USH1G: variants seen among roughly 807,000 people sequenced by gnomAD.
USH1G encodes pre-mRNA splicing regulator USH1G.
A neutral mutation model predicts 31.9 loss-of-function variants in USH1G; 27 were observed. The ratio of observed to expected loss-of-function variants is 0.85; its 90% confidence interval spans 0.62 to 1.17. The LOEUF (loss-of-function observed/expected upper bound fraction) is 1.17, where lower values mean the gene tolerates loss of function less well. USH1G is among the 50% of genes most tolerant of loss of function. The pLI is 0.00. For missense variants in USH1G, 674 were observed against 638.9 expected, an observed-to-expected ratio of 1.05 and a Z score of -0.59; for synonymous variants, 266 against 283.2, an observed-to-expected ratio of 0.94 and a Z score of 0.61.
chr17:74,919,313 T>C lies in USH1G; in HGVS notation c.1382+141A>G. ...GGTGGTAAATAAAATAAGGGTGCCT[T>C]TTATCATCGATGGCCTCATTTCGAT... On this transcript the variant is annotated intron_variant, in intron 2 of 2. Transcript: ENST00000614341. The surrounding 1 kb of genome is among the most constrained non-coding windows in gnomAD (Gnocchi z 4.5). 7.5e-7 allele frequency: 1 copy of C among 1,331,992 alleles called. No homozygotes were observed. Among genetic ancestry groups the C allele is most frequent in the African/African-American group, 1.5e-5 (1 of 67,732 alleles). The allele number at this position is 1,331,992 out of a possible 1,614,324, so 82.5% of individuals were successfully genotyped here.
rs1009311345 is a variant in USH1G at position 74,921,502 on chromosome 17, TG to T, written c.165-832del. ...GACTCCTCCGGAGCTCTCCCTCCCT[TG>T]GGGGCCCAGCACAGCACCCCTGCCC... On this transcript the variant is annotated intron_variant, in intron 1 of 2. Transcript: ENST00000614341. The surrounding 1 kb of genome is among the most constrained non-coding windows in gnomAD (Gnocchi z 4.6). Among the ~76,000 whole-genome samples the T allele has an allele frequency of 6.6e-6, 1 of 150,814 alleles. No homozygotes were observed. Among genetic ancestry groups the T allele is most frequent in the Admixed American group, 6.6e-5 (1 of 15,224 alleles).
rs1019477572 is a variant in USH1G at position 74,921,897 on chromosome 17, G to T, written c.164+1013C>A. Among the ~76,000 whole-genome samples the T allele has an allele frequency of 1.3e-5, 2 of 152,158 alleles. No homozygotes were observed. The highest frequency in any genetic ancestry group is 1.3e-4 in the Admixed American group (2 of 15,282). On this transcript the variant is annotated intron_variant, in intron 1 of 2. Transcript: ENST00000614341. The surrounding 1 kb of genome is among the most constrained non-coding windows in gnomAD (Gnocchi z 4.6). ...CAAGGCTGCTCCCACCTGATGCTGG[G>T]CCCAAGGAGCAGCCCAAGGAGAGGG... is the stretch of plus-strand genomic sequence containing the variant.
Position 74,920,692 on chromosome 17 carries a change from A to AG in USH1G, c.165-22dup. Reference sequence around the variant, plus strand: ...CACCCCTGCAGGGAAAGCATTCAGGAGGGACGAGTGACGAGTCCTGGCTGG... The same window carrying AG: ...CACCCCTGCAGGGAAAGCATTCAGGAGGGGACGAGTGACGAGTCCTGGCTGG... On this transcript the variant is annotated intron_variant, in intron 1 of 2. Transcript: ENST00000614341. This position sits in a 1 kb window ranked among gnomAD's most constrained non-coding sequence, Gnocchi z 5.2. 1 of 1,590,180 alleles carries AG rather than the reference A, an allele frequency of 6.3e-7. No homozygotes were observed. Among genetic ancestry groups the AG allele is most frequent in the Non-Finnish European group, 8.6e-7 (1 of 1,164,956 alleles).
chr17:74,922,375 C>A (rs896974285), intron 1 of USH1G, among the ~76,000 whole-genome samples: 4 of 152,242 alleles, frequency 2.6e-5, no homozygotes, highest in Admixed American at 1.3e-4. Flanking sequence ...AATGGAGTGG[C>A]TGAATCAGTG....
intron 1 of USH1G, among the ~76,000 whole-genome samples, chr17:74,922,342 G>C (rs1298649085): frequency 3.3e-5 from 5 of 151,910 alleles, no homozygotes; most frequent in East Asian, 1.9e-4. Context: ...GCCCGGCTGT[G>C]GGGGAGGGAC....
Position 74,920,293 on chromosome 17 carries a change from G to A in USH1G, c.543C>T (p.Leu181=), listed in dbSNP as rs1239839463. The change falls in exon 2 of 3, where the codon CTC becomes CTT. Residue 181 remains leucine (L), a synonymous_variant. Coordinates refer to ENST00000614341, the MANE Select transcript of USH1G (RefSeq NM_173477.5). The surrounding 1 kb of genome is among the most constrained non-coding windows in gnomAD (Gnocchi z 5.2). ...GCCGGCGGCTCAGGGTGCTGGACGT[G>A]AGGCTGGAGAAGCTGAGGGTGTCGG... ...ERSDTLSFSS[L]TSSTLSRRLQ... is the part of the protein sequence containing the mutation. 1.2e-6 allele frequency: 2 copies of A among 1,605,432 alleles called. No individual in the cohort carries two copies. Among genetic ancestry groups the A allele is most frequent in the Non-Finnish European group, 8.5e-7 (1 of 1,178,724 alleles).
Position 74,917,101 on chromosome 17 carries a change from C to T in USH1G, c.*972G>A, listed in dbSNP as rs1199620359. 6.6e-6 allele frequency: 1 copy of T among 152,446 alleles called. No homozygotes were observed. The highest frequency in any genetic ancestry group is 1.5e-5 in the Non-Finnish European group (1 of 68,200). 9.4% of individuals were successfully genotyped at this position (152,446 alleles called of 1,614,324 possible). On this transcript the variant is annotated 3_prime_UTR_variant, in exon 3 of 3. Transcript: ENST00000614341. ...ACACAAACATGCACACGCACACAGC[C>T]CTGGTGACCTGGGGACAATCTGCAG...
chr17:74,919,836 C>G lies in USH1G; in HGVS notation c.1000G>C (p.Gly334Arg). The change falls in exon 2 of 3, where the codon GGG (glycine) becomes CGG (arginine). Residue 334 changes from glycine to arginine, a missense_variant. By Grantham distance (125) the Gly-to-Arg change is moderately radical. Coordinates refer to ENST00000614341, the MANE Select transcript of USH1G (RefSeq NM_173477.5). The surrounding 1 kb of genome is among the most constrained non-coding windows in gnomAD (Gnocchi z 4.5). ...GGCGCTCCCACCCCATCCAGACCCC[C>G]ATCCTCGCGGCCCAGTCCGTGCAGC... ...SGLHGLGRED[G>R]GLDGVGAPRG... The G allele has an allele frequency of 1.2e-6, 2 of 1,613,116 alleles. No homozygotes were observed. Among genetic ancestry groups the G allele is most frequent in the Non-Finnish European group, 1.7e-6 (2 of 1,179,968 alleles).
chr17:74,922,811 G>A (rs976357763), intron 1 of USH1G, 99 bp downstream of exon 1: 24 of 1,386,222 alleles, frequency 1.7e-5, no homozygotes, highest in Middle Eastern at 1.9e-4. Context: ...CTAAGGGTCC[G>A]CCTGTCTGCA....
rs200345990 is a variant in USH1G, at chr17:74,920,605, G to C, written c.231C>G (p.His77Gln). The C allele has an allele frequency of 1.2e-4, 201 of 1,613,784 alleles. No individual in the cohort carries two copies. The highest frequency in any genetic ancestry group is 1.6e-4 in the Non-Finnish European group (194 of 1,180,054). ...TPLHLAASNG[H>Q]LHCLSFLVSF... ...ACACCAGGAAGGACAGGCAGTGCAA[G>C]TGGCCATTGGAAGCTGCCAGATGCA... is the stretch of plus-strand genomic sequence containing the variant. The change falls in exon 2 of 3, where the codon CAC becomes CAG. Residue 77 changes from histidine (H) to glutamine (Q), a missense_variant. His to Gln is a conservative substitution (Grantham distance 24). Coordinates refer to ENST00000614341, the MANE Select transcript of USH1G (RefSeq NM_173477.5). The surrounding 1 kb of genome is among the most constrained non-coding windows in gnomAD (Gnocchi z 5.2).
In USH1G at chr17:74,923,052, C is replaced by T. The variant is rs779198694; in HGVS notation, c.22G>A (p.Ala8Thr). Residue 8 changes from alanine (A) to threonine (T), a missense_variant, in exon 1 of 3, where the codon GCA (alanine) becomes ACA (threonine). Physicochemically the swap from Ala to Thr is moderately conservative, Grantham distance 58. Transcript: ENST00000614341. The surrounding 1 kb of genome is among the most constrained non-coding windows in gnomAD (Gnocchi z 5.3). MNDQYHRAARDGYLELLK... is the reference protein window; with the variant it reads MNDQYHRTARDGYLELLK... The stretch of plus-strand genomic sequence containing the variant: ...AGCTCCAGGTAGCCATCCCGGGCTG[C>T]CCGGTGGTACTGGTCGTTCATGGCG... 3 of 1,586,500 alleles carry T rather than the reference C, an allele frequency of 1.9e-6. No homozygotes were observed. The highest frequency in any genetic ancestry group is 2.6e-6 in the Non-Finnish European group (3 of 1,165,528).
rs2144755152 is a variant in USH1G, at chr17:74,920,448, T to TG, written c.387dup (p.Lys130GlnfsTer5). 6.2e-7 allele frequency: 1 copy of TG among 1,613,670 alleles called. No homozygotes were observed. On this transcript the variant is annotated frameshift_variant, in exon 2 of 3. Transcript: ENST00000614341. LOFTEE classifies it high-confidence loss of function. This position sits in a 1 kb window ranked among gnomAD's most constrained non-coding sequence, Gnocchi z 5.2. ...TTGTCCTTCAGCTTACCCACCAGCT[T>TG]GGGGTTGAGGCTGCTCTGCTTGGCC... is the stretch of plus-strand genomic sequence containing the variant.
chr17:74,918,173 C>CA lies in USH1G; in HGVS notation c.1383-98dup. 6.5e-7 allele frequency: 1 copy of CA among 1,530,536 alleles called. No individual in the cohort carries two copies. The highest frequency in any genetic ancestry group is 1.2e-5 in the South Asian group (1 of 85,696). The allele number at this position is 1,530,536 out of a possible 1,614,324, so 94.8% of individuals were successfully genotyped here. A position where few individuals can be genotyped will look rare whatever the true frequency, so the allele number is the denominator to read the frequency against. On this transcript the variant is annotated intron_variant, in intron 2 of 2. Coordinates refer to ENST00000614341, the MANE Select transcript of USH1G (RefSeq NM_173477.5). This position sits in a 1 kb window ranked among gnomAD's most constrained non-coding sequence, Gnocchi z 4.1. ...AGCCATCTGGACAACTTAGCCTCCCCATCTCTCGGCAGGCCAATTGTCAGG... is the reference window on the plus strand; with the variant it reads ...AGCCATCTGGACAACTTAGCCTCCCCAATCTCTCGGCAGGCCAATTGTCAGG...
In USH1G at chr17:74,919,981, ACGGGAGACGCTGTCCT is replaced by A; in HGVS notation, c.839_854del (p.Glu280ValfsTer38). ...GGGCAGGCTCGGCCGCCAGCGTGGC[ACGGGAGACGCTGTCCT>A]CGTCCGAGAGGAACATGTCCCGGAG... On this transcript the variant is annotated frameshift_variant, in exon 2 of 3. Transcript: ENST00000614341. LOFTEE classifies it high-confidence loss of function. The surrounding 1 kb of genome is among the most constrained non-coding windows in gnomAD (Gnocchi z 4.5). 1 of 1,612,038 alleles carries A rather than the reference ACGGGAGACGCTGTCCT, an allele frequency of 6.2e-7. No individual in the cohort carries two copies. The highest frequency in any genetic ancestry group is 8.5e-7 in the Non-Finnish European group (1 of 1,179,316).
At position 74,920,726 on chromosome 17, in the gene USH1G, G is replaced by A; in HGVS notation, c.165-55C>T. 1 of 1,603,082 alleles carries A rather than the reference G, an allele frequency of 6.2e-7. No homozygotes were observed. The highest frequency in any genetic ancestry group is 8.5e-7 in the Non-Finnish European group (1 of 1,173,824). ...TGACGAGTCCTGGCTGGGGATGGAG[G>A]TGGAGGGAGTGGAGGGGGGAGGGGA... On this transcript the variant is annotated intron_variant, in intron 1 of 2. Transcript: ENST00000614341. This position sits in a 1 kb window ranked among gnomAD's most constrained non-coding sequence, Gnocchi z 5.2.
In USH1G at chr17:74,922,930, C is replaced by A; in HGVS notation, c.144G>T (p.Leu48=). The change falls in exon 1 of 3, where the codon CTG becomes CTT. Residue 48 remains leucine (L), a synonymous_variant. Coordinates refer to ENST00000614341, the MANE Select transcript of USH1G (RefSeq NM_173477.5). ...WAAYHGNLES[L]RLIVSRGGDP... is the part of the protein sequence containing the mutation. ...CTCACCCGCGGCTCACAATGAGACGCAGCGACTCGAGGTTGCCATGGTAGG... is the reference window on the plus strand; with the variant it reads ...CTCACCCGCGGCTCACAATGAGACGAAGCGACTCGAGGTTGCCATGGTAGG... The A allele has an allele frequency of 6.5e-7, 1 of 1,547,722 alleles. No homozygotes were observed. The highest frequency in any genetic ancestry group is 8.7e-7 in the Non-Finnish European group (1 of 1,143,600).
chr17:74,923,220 G>T lies in USH1G; in HGVS notation c.-147C>A. 1.7e-6 allele frequency: 1 copy of T among 577,188 alleles called. No homozygotes were observed. 35.8% of individuals were successfully genotyped at this position (577,188 alleles called of 1,614,324 possible). ...CAGCCCCCGCTGCCGCAGACGGAGG[G>T]TGCGGAGCGCCAGAGCCGCGACTAC... On this transcript the variant is annotated 5_prime_UTR_variant, in exon 1 of 3. Coordinates refer to ENST00000614341, the MANE Select transcript of USH1G (RefSeq NM_173477.5). This position sits in a 1 kb window ranked among gnomAD's most constrained non-coding sequence, Gnocchi z 5.3.
In USH1G at chr17:74,918,691, C is replaced by A. The variant is rs533940081; in HGVS notation, c.1383-615G>T. On this transcript the variant is annotated intron_variant, in intron 2 of 2. Transcript: ENST00000614341. This position sits in a 1 kb window ranked among gnomAD's most constrained non-coding sequence, Gnocchi z 4.1. Reference sequence around the variant, plus strand: ...AATTAGCTGGGCATGGTGGTGCACTCCTGTAATCCCAGCTACTCAGGAGGC... The same window carrying A: ...AATTAGCTGGGCATGGTGGTGCACTACTGTAATCCCAGCTACTCAGGAGGC... Among the ~76,000 whole-genome samples the A allele has an allele frequency of 6.6e-6, 1 of 152,182 alleles. No individual in the cohort carries two copies. Among genetic ancestry groups the A allele is most frequent in the African/African-American group, 2.4e-5 (1 of 41,502 alleles).
Position 74,919,805 on chromosome 17 carries a change from C to A in USH1G, c.1031G>T (p.Gly344Val). Residue 344 changes from glycine to valine, a missense_variant, in exon 2 of 3, where the codon GGT (glycine) becomes GTT (valine). Transcript: ENST00000614341. The surrounding 1 kb of genome is among the most constrained non-coding windows in gnomAD (Gnocchi z 4.5). ...GGLDGVGAPRGRLQSSPSLDD... is the reference protein window; with the variant it reads ...GGLDGVGAPRVRLQSSPSLDD... The stretch of plus-strand genomic sequence containing the variant: ...CAGGCTGGGGGAGCTCTGCAGCCGA[C>A]CCCGCGGCGCTCCCACCCCATCCAG... 1 of 1,612,878 alleles carries A rather than the reference C, an allele frequency of 6.2e-7. No individual in the cohort carries two copies. The highest frequency in any genetic ancestry group is 8.5e-7 in the Non-Finnish European group (1 of 1,179,954).
Sources: gnomAD v4.1 joint callset for allele counts (sites outside exome capture counted in the v4.1 genomes callset) on GRCh38, gnomAD v4.1.1 for gene constraint, Gnocchi (gnomAD v3.1) non-coding constraint, MANE v1.5 for transcripts, NCBI Gene and HGNC (gene_info 2026-07-23, HGNC 2026-07-21) for gene names.